ASH1L: variants seen among roughly 807,000 people sequenced by gnomAD.
ASH1L encodes the protein histone-lysine N-methyltransferase ASH1L.
ASH1L carries 23 observed loss-of-function variants against 269.0 expected under a neutral mutation model. The observed-to-expected ratio is 0.09, with a 90% CI of 0.06 to 0.12. The LOEUF is 0.12. Among genes scored for constraint, ASH1L ranks in the 10% least tolerant of loss-of-function variants. The pLI is 1.00. For missense variants in ASH1L, 2,912 were observed against 3,567.8 expected (o/e 0.82, Z 4.68); for synonymous variants, 1,187 against 1,253.5 (o/e 0.95, Z 1.12).
At chr1:155,403,891 TAA>T (rs760922886) in intron 6 of ASH1L, among the ~76,000 whole-genome samples, 46 of 137,994 alleles carry the variant, frequency 3.3e-4, no homozygotes, top group Non-Finnish European at 4.0e-4. Flanking sequence ...TTCCTACCAT[TAA>T]AAAAAAAAAA....
At chr1:155,356,088 C>T (rs1026342536) in intron 15 of ASH1L, among the ~76,000 whole-genome samples, 1 of 151,916 alleles carries the variant, frequency 6.6e-6, no homozygotes. Context: ...CAGGCATGCA[C>T]CACCATGCCT....
chr1:155,536,768 C>G (rs554790220), intron 1 of ASH1L, among the ~76,000 whole-genome samples: 1 of 151,868 alleles, frequency 6.6e-6, no homozygotes, highest in African/African-American at 2.4e-5. Flanking sequence ...AGAGGCCAGG[C>G]GCAGTGGCTC....
chr1:155,493,307 G>T (rs1666935461), intron 2 of ASH1L, among the ~76,000 whole-genome samples: 1 of 152,124 alleles, frequency 6.6e-6, no homozygotes, highest in Non-Finnish European at 1.5e-5. Flanking sequence ...GTATCTTAAT[G>T]TAGAAAAACA....
intron 12 of ASH1L, among the ~76,000 whole-genome samples, chr1:155,368,734 C>T (rs536816699): frequency 6.6e-6 from 1 of 152,082 alleles, no homozygotes; most frequent in Non-Finnish European, 1.5e-5. Flanking sequence ...GGATTATAGG[C>T]GTGAGCCACT....
intron 3 of ASH1L, among the ~76,000 whole-genome samples, chr1:155,467,965 C>G (rs879684266): frequency 5.3e-5 from 8 of 152,132 alleles, no homozygotes; most frequent in Non-Finnish European, 1.2e-4. Context: ...TCTTACATAA[C>G]TACAGTACAT....
intron 13 of ASH1L, among the ~76,000 whole-genome samples, chr1:155,359,856 G>A (rs1654782394): frequency 6.6e-6 from 1 of 151,868 alleles, no homozygotes; most frequent in African/African-American, 2.4e-5. Flanking sequence ...TGGGATTACA[G>A]GAATAAGCCA....
chr1:155,477,143 A>G (rs559813284), intron 3 of ASH1L, among the ~76,000 whole-genome samples: 1 of 152,294 alleles, frequency 6.6e-6, no homozygotes, highest in African/African-American at 2.4e-5. Context: ...TCTCACAAAG[A>G]ACTTCTAATC....
chr1:155,369,952 T>C (rs2148413103), intron 12 of ASH1L, among the ~76,000 whole-genome samples: 1 of 152,244 alleles, frequency 6.6e-6, no homozygotes, highest in African/African-American at 2.4e-5. Context: ...GTATGTTTAG[T>C]AGAGATGGGT....
intron 2 of ASH1L, among the ~76,000 whole-genome samples, chr1:155,501,412 C>G (rs1215019136): frequency 2.0e-5 from 3 of 152,220 alleles, no homozygotes; most frequent in Non-Finnish European, 2.9e-5. Flanking sequence ...ACTCTATCAC[C>G]TAGGCTGGAG....
At chr1:155,437,820 G>A (rs1475290968) in intron 5 of ASH1L, among the ~76,000 whole-genome samples, 3 of 152,086 alleles carry the variant, frequency 2.0e-5, no homozygotes, top group Admixed American at 1.3e-4. Context: ...TGTAAAGTGA[G>A]TGGGTTCAGA....
At chr1:155,484,797 C>T (rs745805934) in intron 2 of ASH1L, among the ~76,000 whole-genome samples, 4 of 150,702 alleles carry the variant, frequency 2.7e-5, no homozygotes, top group Non-Finnish European at 4.4e-5. Context: ...GACGTGGTGG[C>T]GGGCGCCTGT....
chr1:155,447,644 T>C (rs1663137671), intron 4 of ASH1L, among the ~76,000 whole-genome samples: 1 of 152,254 alleles, frequency 6.6e-6, no homozygotes, highest in Non-Finnish European at 1.5e-5. Context: ...CCTATGCCTG[T>C]TGCCATTTGT....
intron 17 of ASH1L, 112 bp from the exon 18 acceptor site, chr1:155,349,708 TC>T: frequency 2.4e-4 from 125 of 526,716 alleles, no homozygotes; most frequent in South Asian, 4.9e-4. Flanking sequence ...AAAATCCAAG[TC>T]TTTTTTTTTT....
intron 21 of ASH1L, among the ~76,000 whole-genome samples, chr1:155,345,046 T>A (rs1344915735): frequency 6.6e-6 from 1 of 151,984 alleles, no homozygotes; most frequent in Non-Finnish European, 1.5e-5. Context: ...AACTTCCGCC[T>A]CCAGATTCAA....
chr1:155,470,480 CA>C (rs911403358), intron 3 of ASH1L, among the ~76,000 whole-genome samples: 8 of 148,432 alleles, frequency 5.4e-5, no homozygotes, highest in African/African-American at 7.5e-5. Context: ...CAAAAAAAAA[CA>C]AAAAAAAAAA....
chr1:155,430,111 G>A (rs978439401), intron 5 of ASH1L, among the ~76,000 whole-genome samples: 1 of 152,132 alleles, frequency 6.6e-6, no homozygotes, highest in Non-Finnish European at 1.5e-5. Flanking sequence ...GAGTAGCTGG[G>A]ATTACAGGCA....
At chr1:155,515,258 G>A (rs1668423557) in intron 2 of ASH1L, among the ~76,000 whole-genome samples, 2 of 152,088 alleles carry the variant, frequency 1.3e-5, no homozygotes, top group Non-Finnish European at 1.5e-5. Flanking sequence ...TGGACGAATT[G>A]GACTACTAAG....
intron 10 of ASH1L, among the ~76,000 whole-genome samples, chr1:155,376,690 T>G (rs565162158): frequency 5.5e-5 from 8 of 145,080 alleles, no homozygotes; most frequent in Non-Finnish European, 1.2e-4. Flanking sequence ...AAAAATAAAT[T>G]AAAAAAATAC....
Position 155,479,184 on chromosome 1 carries a change from T to C in ASH1L, c.3686A>G (p.His1229Arg). 2 of 1,614,194 alleles carry C rather than the reference T, an allele frequency of 1.2e-6. No homozygotes were observed. Among genetic ancestry groups the C allele is most frequent in the Non-Finnish European group, 1.7e-6 (2 of 1,180,040 alleles). Residue 1229 changes from histidine (H) to arginine (R), a missense_variant, in exon 3 of 28, where the codon CAT (histidine) becomes CGT (arginine). Transcript: ENST00000392403. ...GQKKRRHSFEHVSLIPPETST... is the reference protein window; with the variant it reads ...GQKKRRHSFERVSLIPPETST... The stretch of plus-strand genomic sequence containing the variant: ...GGTTTCAGGGGGAATCAGAGAAACA[T>C]GCTCAAAAGAATGCCTCCTCTTTTT...
Sources: gnomAD v4.1 joint callset for allele counts (sites outside exome capture counted in the v4.1 genomes callset) on GRCh38, gnomAD v4.1.1 for gene constraint, MANE v1.5 for transcripts, NCBI Gene and HGNC (gene_info 2026-07-23, HGNC 2026-07-21) for gene names.